The following GABBR2 variants were observed in gnomAD, a reference collection of about 807,000 sequenced individuals.
GABBR2 encodes the protein gamma-aminobutyric acid type B receptor subunit 2, also known as G-protein coupled receptor 51.
A neutral mutation model predicts 105.6 loss-of-function variants in GABBR2; 23 were observed. The observed-to-expected ratio is 0.22, with a 90% confidence interval of 0.16 to 0.31. GABBR2 has a LOEUF of 0.31. Among genes scored for constraint, GABBR2 ranks in the 10% least tolerant of loss-of-function variants. The pLI is 1.00. For missense variants in GABBR2, 734 were observed against 1,245.5 expected, an observed-to-expected ratio of 0.59 and a Z score of 6.18; for synonymous variants, 478 against 499.7, an observed-to-expected ratio of 0.96 and a Z score of 0.58.
intron 3 of GABBR2, among the ~76,000 whole-genome samples, chr9:98,501,133 C>T (rs1332566159): frequency 6.9e-6 from 1 of 144,420 alleles, no homozygotes; most frequent in Admixed American, 7.0e-5. Flanking sequence ...CTGCCCCCCC[C>T]CCTTCCCCGC....
intron 1 of GABBR2, among the ~76,000 whole-genome samples, chr9:98,611,214 C>G (rs76589263): frequency 6.6e-6 from 1 of 152,174 alleles, no homozygotes; most frequent in African/African-American, 2.4e-5. Context: ...CACCCCCTGC[C>G]TCCTGCCCTG....
chr9:98,618,694 G>C (rs564198309), intron 1 of GABBR2, among the ~76,000 whole-genome samples: 3 of 152,080 alleles, frequency 2.0e-5, no homozygotes, highest in African/African-American at 7.2e-5. Context: ...TCTCTCTCCA[G>C]TTGACATCTG....
chr9:98,487,659 T>A (rs1298009317), intron 4 of GABBR2, among the ~76,000 whole-genome samples: 1 of 151,844 alleles, frequency 6.6e-6, no homozygotes, highest in Admixed American at 6.6e-5. Context: ...ATGCCTGTAG[T>A]CCCAGTTACT....
intron 7 of GABBR2, among the ~76,000 whole-genome samples, chr9:98,439,869 T>C (rs1190409306): frequency 6.6e-6 from 1 of 152,144 alleles, no homozygotes; most frequent in African/African-American, 2.4e-5. Context: ...GCACTCAACA[T>C]GTATAAACCT....
chr9:98,443,033 A>T (rs977085933), intron 7 of GABBR2, among the ~76,000 whole-genome samples: 1 of 152,206 alleles, frequency 6.6e-6, no homozygotes, highest in Non-Finnish European at 1.5e-5. Context: ...TGGATTTTTT[A>T]GGGGGGCACA....
At chr9:98,563,662 C>T (rs1201570800) in intron 2 of GABBR2, among the ~76,000 whole-genome samples, 1 of 152,128 alleles carries the variant, frequency 6.6e-6, no homozygotes, top group African/African-American at 2.4e-5. Context: ...TATGTAATAG[C>T]TTTTATGGGA....
At chr9:98,589,379 G>A (rs1829116947) in intron 1 of GABBR2, among the ~76,000 whole-genome samples, 1 of 152,174 alleles carries the variant, frequency 6.6e-6, no homozygotes, top group Admixed American at 6.5e-5. Context: ...CCTTCAAGCT[G>A]CACTTGACAA....
At chr9:98,450,147 G>A (rs181970740) in intron 7 of GABBR2, among the ~76,000 whole-genome samples, 16 of 152,214 alleles carry the variant, frequency 1.1e-4, no homozygotes, top group East Asian at 3.9e-4. Flanking sequence ...TAGTAAACAT[G>A]CTAAATGAGG....
At chr9:98,411,264 C>T (rs532636381) in intron 7 of GABBR2, among the ~76,000 whole-genome samples, 2 of 152,324 alleles carry the variant, frequency 1.3e-5, no homozygotes, top group East Asian at 1.9e-4. Flanking sequence ...GCATTTTCTC[C>T]TTCAGCGAAA....
chr9:98,650,804 G>T (rs1234181913), intron 1 of GABBR2, among the ~76,000 whole-genome samples: 1 of 152,192 alleles, frequency 6.6e-6, no homozygotes, highest in African/African-American at 2.4e-5. Context: ...GAGTTTTGAA[G>T]ATACTGTGTT....
chr9:98,471,460 A>G (rs1018595821), intron 6 of GABBR2, among the ~76,000 whole-genome samples: 6 of 152,338 alleles, frequency 3.9e-5, no homozygotes, highest in Admixed American at 2.6e-4. Context: ...AAATGCCAAA[A>G]CATTTCCTCC....
chr9:98,402,785 C>T lies in GABBR2; in HGVS notation c.1297+3296G>A, dbSNP rs143024509. On this transcript the variant is annotated intron_variant, in intron 8 of 18. Transcript: ENST00000259455. ...CTCATCCATCACTGACACAGGGCTGCTCCTGGAGGCGTTAACTCCCTGGAT... is the reference window on the plus strand; with the variant it reads ...CTCATCCATCACTGACACAGGGCTGTTCCTGGAGGCGTTAACTCCCTGGAT... 1.6e-4 allele frequency among the ~76,000 whole-genome samples: 24 copies of T among 152,270 alleles called. No individual in the cohort carries two copies. In the East Asian group the frequency reaches 4.6e-3, roughly 29 times the overall value.
At chr9:98,466,031 C>A (rs138023254) in intron 6 of GABBR2, among the ~76,000 whole-genome samples, 5 of 152,170 alleles carry the variant, frequency 3.3e-5, no homozygotes, top group Non-Finnish European at 5.9e-5. Context: ...AGCACCTCCC[C>A]CTTTGCTCTC....
chr9:98,458,342 C>T (rs75347956), intron 6 of GABBR2, among the ~76,000 whole-genome samples: 5 of 152,204 alleles, frequency 3.3e-5, no homozygotes, highest in Admixed American at 2.6e-4. Flanking sequence ...TGGAAGTACA[C>T]GAGAGAATAT....
chr9:98,551,379 G>A (rs1193078198), intron 2 of GABBR2, among the ~76,000 whole-genome samples: 2 of 152,092 alleles, frequency 1.3e-5, no homozygotes, highest in African/African-American at 2.4e-5. Flanking sequence ...CTCCAGCCTC[G>A]GCGAGTGAAA....
chr9:98,629,708 T>C (rs1032567609), intron 1 of GABBR2, among the ~76,000 whole-genome samples: 1 of 152,192 alleles, frequency 6.6e-6, no homozygotes, highest in Non-Finnish European at 1.5e-5. Context: ...TTTTTCTTGA[T>C]TGTGATTGGT....
intron 2 of GABBR2, among the ~76,000 whole-genome samples, chr9:98,577,371 A>C (rs1240553032): frequency 6.6e-6 from 1 of 152,270 alleles, no homozygotes; most frequent in Non-Finnish European, 1.5e-5. Flanking sequence ...GGAGCATTCA[A>C]TGATGTATAA....
intron 1 of GABBR2, among the ~76,000 whole-genome samples, chr9:98,664,203 A>G (rs992158479): frequency 6.6e-6 from 1 of 152,204 alleles, no homozygotes; most frequent in Non-Finnish European, 1.5e-5. Context: ...TTTCCTAGCC[A>G]AAATATTATG....
intron 1 of GABBR2, among the ~76,000 whole-genome samples, chr9:98,661,407 C>T (rs1233428185): frequency 1.3e-5 from 2 of 151,002 alleles, no homozygotes; most frequent in African/African-American, 4.9e-5. Flanking sequence ...TTGACTTTTC[C>T]CCCACCCCCC....
Sources: allele counts gnomAD v4.1 joint callset (sites outside exome capture counted in the v4.1 genomes callset), GRCh38; gene constraint gnomAD v4.1.1; transcripts MANE v1.5; gene names NCBI Gene and HGNC (gene_info 2026-07-23, HGNC 2026-07-21).